Variants in SSH2 observed in about 807,000 individuals in gnomAD.
SSH2 encodes the protein slingshot protein phosphatase 2.
SSH2 carries 37 observed loss-of-function variants against 135.2 expected under a neutral mutation model. The observed-to-expected ratio is 0.27, with a 90% CI of 0.21 to 0.36. The LOEUF is 0.36. Among genes scored for constraint, SSH2 ranks in the 10% least tolerant of loss-of-function variants. SSH2 has a pLI of 1.00. For synonymous variants in SSH2, 628 were observed against 646.2 expected (o/e 0.97, Z 0.43); for missense variants, 1,408 against 1,765.3 (o/e 0.80, Z 3.63).
At chr17:29,878,380 T>C (rs2066074480) in intron 1 of SSH2, among the ~76,000 whole-genome samples, 1 of 152,176 alleles carries the variant, frequency 6.6e-6, no homozygotes, top group African/African-American at 2.4e-5. Flanking sequence ...TAAGCCGAGA[T>C]TGTGCCATTG....
intron 3 of SSH2, among the ~76,000 whole-genome samples, chr17:29,740,113 T>C (rs1011246402): frequency 5.9e-5 from 9 of 152,220 alleles, no homozygotes; most frequent in Non-Finnish European, 1.0e-4. Context: ...TCAGTCACCT[T>C]TGGTCTCTGA....
intron 1 of SSH2, chr17:29,925,701 C>A: frequency 5.3e-6 from 2 of 379,668 alleles, no homozygotes; most frequent in Non-Finnish European, 9.3e-6. Flanking sequence ...AGTGAGACCC[C>A]ATCTAAAAAA....
chr17:29,823,045 C>T lies in SSH2; in HGVS notation c.144+25804G>A, dbSNP rs146473876. Among the ~76,000 whole-genome samples, 524 of 152,160 alleles carry T rather than the reference C, an allele frequency of 3.4e-3. 1 individual carries two copies. Among genetic ancestry groups the T allele is most frequent in the Middle Eastern group, 0.01 (3 of 294 alleles). ...CAGAGAACAGTTGTGAAAAAATAAA[C>T]TTCTTTAGTTCTATTCCACTGAAAA... On this transcript the variant is annotated intron_variant, in intron 2 of 15. Transcript: ENST00000540801.
At chr17:29,725,750 G>A (rs887391936) in intron 3 of SSH2, among the ~76,000 whole-genome samples, 5 of 152,166 alleles carry the variant, frequency 3.3e-5, no homozygotes, top group Non-Finnish European at 7.3e-5. Context: ...GCCTGTCGGA[G>A]GGCTGGGGGC....
intron 2 of SSH2, among the ~76,000 whole-genome samples, chr17:29,845,756 C>T (rs949488815): frequency 3.3e-5 from 5 of 151,918 alleles, no homozygotes; most frequent in African/African-American, 9.7e-5. Context: ...GACAGGGTCT[C>T]GCTGTATTTC....
chr17:29,890,741 A>T (rs1035348148), intron 1 of SSH2, among the ~76,000 whole-genome samples: 1 of 152,154 alleles, frequency 6.6e-6, no homozygotes, highest in East Asian at 1.9e-4. Flanking sequence ...ACCAAAACCA[A>T]TGTATTAACT....
chr17:29,730,052 C>T (rs2040128003), intron 3 of SSH2, among the ~76,000 whole-genome samples: 1 of 152,102 alleles, frequency 6.6e-6, no homozygotes, highest in Non-Finnish European at 1.5e-5. Context: ...GGCATGGTGG[C>T]TCACACCTGT....
chr17:29,644,796 C>CAATA (rs2036306995), intron 14 of SSH2: 1 of 142,912 alleles, frequency 7.0e-6, no homozygotes, highest in African/African-American at 2.9e-5. Flanking sequence ...GACTTTGCCT[C>CAATA]GATAAATAAA....
intron 1 of SSH2, among the ~76,000 whole-genome samples, chr17:29,849,641 C>A (rs1159400773): frequency 6.6e-6 from 1 of 151,364 alleles, no homozygotes; most frequent in Non-Finnish European, 1.5e-5. Context: ...TAGCATAGGG[C>A]CTGATTACGG....
intron 2 of SSH2, among the ~76,000 whole-genome samples, chr17:29,830,994 T>C (rs984142255): frequency 2.6e-5 from 4 of 152,232 alleles, no homozygotes; most frequent in South Asian, 4.1e-4. Context: ...ATTTAAATTA[T>C]TACTACACAG....
At chr17:29,684,876 G>A (rs2038146284) in intron 5 of SSH2, among the ~76,000 whole-genome samples, 192 bp from the exon 6 acceptor site, 1 of 152,100 alleles carries the variant, frequency 6.6e-6, no homozygotes, top group African/African-American at 2.4e-5. Flanking sequence ...TTAATTGGAG[G>A]GAGATATAAT....
intron 1 of SSH2, among the ~76,000 whole-genome samples, chr17:29,880,692 A>G (rs1406867585): frequency 6.6e-6 from 1 of 152,204 alleles, no homozygotes; most frequent in Non-Finnish European, 1.5e-5. Context: ...CTTCTCTAAT[A>G]GTACAGGCTG....
intron 1 of SSH2, among the ~76,000 whole-genome samples, chr17:29,874,624 C>G (rs1172432729): frequency 3.3e-5 from 5 of 152,106 alleles, no homozygotes; most frequent in Non-Finnish European, 7.4e-5. Context: ...CCTTTGCCTT[C>G]CACCATGATT....
intron 15 of SSH2, among the ~76,000 whole-genome samples, chr17:29,634,772 T>C (rs1035218339): frequency 6.6e-6 from 1 of 151,938 alleles, no homozygotes; most frequent in African/African-American, 2.4e-5. Context: ...AGGATGGTCT[T>C]GATCTCTTGA....
chr17:29,725,756 G>C (rs2039983047), intron 3 of SSH2, among the ~76,000 whole-genome samples: 1 of 152,156 alleles, frequency 6.6e-6, no homozygotes, highest in Admixed American at 6.5e-5. Flanking sequence ...CGGAGGGCTG[G>C]GGGCAAGAGG....
intron 2 of SSH2, among the ~76,000 whole-genome samples, chr17:29,832,411 C>G (rs1024531727): frequency 6.6e-6 from 1 of 151,666 alleles, no homozygotes; most frequent in South Asian, 2.1e-4. Context: ...GGATTATAGG[C>G]GTGAGCCTGG....
intron 2 of SSH2, among the ~76,000 whole-genome samples, chr17:29,826,639 G>A (rs1469721772): frequency 6.6e-6 from 1 of 152,084 alleles, no homozygotes; most frequent in Non-Finnish European, 1.5e-5. Context: ...CTGTGTGGTG[G>A]TAAGATGACC....
intron 3 of SSH2, among the ~76,000 whole-genome samples, chr17:29,760,568 G>A (rs1163834945): frequency 6.6e-6 from 1 of 152,134 alleles, no homozygotes; most frequent in Non-Finnish European, 1.5e-5. Context: ...GGTGAATGAA[G>A]GTGTGCGTGC....
At chr17:29,767,614 TACATGCACAC>T (rs2041476913) in intron 3 of SSH2, among the ~76,000 whole-genome samples, 1 of 138,044 alleles carries the variant, frequency 7.2e-6, no homozygotes, top group Non-Finnish European at 1.6e-5. Context: ...TTAAGAAGCA[TACATGCACAC>T]ACACGCACAC....
Sources: gnomAD v4.1 joint callset for allele counts (sites outside exome capture counted in the v4.1 genomes callset) on GRCh38, gnomAD v4.1.1 for gene constraint, MANE v1.5 for transcripts, NCBI Gene and HGNC (gene_info 2026-07-23, HGNC 2026-07-21) for gene names.